AGBL1: variants seen among roughly 807,000 people sequenced by gnomAD.
The protein encoded by AGBL1 is AGBL carboxypeptidase 1, also known as cytosolic carboxypeptidase 4.
AGBL1 carries 130 observed loss-of-function variants against 118.9 expected under a neutral mutation model. The observed-to-expected ratio is 1.09, with a 90% confidence interval of 0.95 to 1.26. AGBL1 has a LOEUF of 1.26. Among genes scored for constraint, AGBL1 ranks in the 50% most tolerant of loss-of-function variants. The pLI, the probability that AGBL1 is intolerant of heterozygous loss-of-function variation, is 0.00. For synonymous variants in AGBL1, 555 were observed against 478.9 expected, an observed-to-expected ratio of 1.16 and a Z score of -2.08; for missense variants, 1,584 against 1,298.1, an observed-to-expected ratio of 1.22 and a Z score of -3.38.
chr15:86,572,498 C>T (rs1217588441), intron 21 of AGBL1, among the ~76,000 whole-genome samples: 4 of 152,204 alleles, frequency 2.6e-5, no homozygotes, highest in Non-Finnish European at 4.4e-5. Context: ...GGGTGGCAGG[C>T]TCCAGGAGGC....
Position 86,627,583 on chromosome 15 carries a change from G to A in AGBL1, c.2995-46690G>A, listed in dbSNP as rs185436012. Among the ~76,000 whole-genome samples the A allele has an allele frequency of 9.2e-5, 14 of 152,312 alleles. No homozygotes were observed. In the East Asian group the frequency reaches 2.7e-3, roughly 29 times the overall value. On this transcript the variant is annotated intron_variant, in intron 21 of 22. Coordinates refer to ENST00000614907, the MANE Select transcript of AGBL1 (RefSeq NM_001386094.1). ...TTAGGATAAGCAGAAATATCATAATGAGTGGCAAATTCCAAAAAGCTTACA... is the reference window on the plus strand; with the variant it reads ...TTAGGATAAGCAGAAATATCATAATAAGTGGCAAATTCCAAAAAGCTTACA...
chr15:86,506,264 A>C (rs1409739652), intron 18 of AGBL1, among the ~76,000 whole-genome samples: 3 of 151,998 alleles, frequency 2.0e-5, no homozygotes, highest in Non-Finnish European at 4.4e-5. Flanking sequence ...GTGTACATAC[A>C]ACCCTATGCA....
chr15:86,817,817 G>A (rs2347239), intron 22 of AGBL1, among the ~76,000 whole-genome samples: 82,495 of 152,014 alleles, frequency 0.54, 22,531 homozygotes, highest in Admixed American at 0.61. Flanking sequence ...TGTTACTCAA[G>A]ATCTTAGTTA....
At chr15:86,120,186 A>G (rs190884648) in intron 1 of AGBL1, among the ~76,000 whole-genome samples, 120 of 152,194 alleles carry the variant, frequency 7.9e-4, no homozygotes, top group African/African-American at 2.7e-3. Context: ...TCCTGCATGT[A>G]CTTGGGGCTG....
intron 23 of AGBL1, among the ~76,000 whole-genome samples, chr15:86,938,269 C>T (rs2080700901): frequency 1.3e-5 from 2 of 152,158 alleles, no homozygotes; most frequent in South Asian, 2.1e-4. Context: ...GAATGGCCTC[C>T]AAGAGCCCTT....
intron 17 of AGBL1, among the ~76,000 whole-genome samples, chr15:86,309,516 C>A (rs2141820426): frequency 6.6e-6 from 1 of 152,198 alleles, no homozygotes; most frequent in African/African-American, 2.4e-5. Context: ...AGCTTTTTGT[C>A]TTTGAGTATG....
At chr15:86,977,606 T>G (rs1050146194) in intron 23 of AGBL1, among the ~76,000 whole-genome samples, 1 of 152,020 alleles carries the variant, frequency 6.6e-6, no homozygotes, top group African/African-American at 2.4e-5. Flanking sequence ...ATTGCAATTA[T>G]AGATGAGATT....
intron 21 of AGBL1, among the ~76,000 whole-genome samples, chr15:86,554,919 T>C (rs530740581): frequency 6.6e-6 from 1 of 152,260 alleles, no homozygotes; most frequent in South Asian, 2.1e-4. Flanking sequence ...AGGGCATAGG[T>C]CAGTGTGTAG....
At chr15:86,293,635 G>C (rs1253325323) in intron 16 of AGBL1, among the ~76,000 whole-genome samples, 1 of 152,190 alleles carries the variant, frequency 6.6e-6, no homozygotes, top group East Asian at 1.9e-4. Flanking sequence ...CAAAGGTTCT[G>C]AAGGTGAGAA....
chr15:86,897,200 TG>T (rs2080141576), intron 22 of AGBL1, among the ~76,000 whole-genome samples: 1 of 152,202 alleles, frequency 6.6e-6, no homozygotes, highest in Non-Finnish European at 1.5e-5. Flanking sequence ...CCTTTATCTT[TG>T]AATTTGAAAC....
chr15:86,592,854 A>C (rs949379213), intron 21 of AGBL1, among the ~76,000 whole-genome samples: 2 of 152,116 alleles, frequency 1.3e-5, no homozygotes, highest in African/African-American at 4.8e-5. Flanking sequence ...ACCAACACCC[A>C]ATGGTTGCTT....
At chr15:86,649,167 A>T (rs1347079226) in intron 21 of AGBL1, among the ~76,000 whole-genome samples, 2 of 152,148 alleles carry the variant, frequency 1.3e-5, no homozygotes, top group Non-Finnish European at 2.9e-5. Flanking sequence ...GAAAGAATTG[A>T]CCTTAAAGAG....
At chr15:87,005,449 A>G (rs564077180) in intron 24 of AGBL1, among the ~76,000 whole-genome samples, 38 of 152,234 alleles carry the variant, frequency 2.5e-4, no homozygotes, top group Non-Finnish European at 3.7e-4. Flanking sequence ...TTGATCTTCA[A>G]TCACTGATAC....
intron 20 of AGBL1, among the ~76,000 whole-genome samples, chr15:86,549,859 G>A (rs910190383): frequency 6.8e-6 from 1 of 146,442 alleles, no homozygotes; most frequent in Non-Finnish European, 1.5e-5. Flanking sequence ...AGGAGAGGAG[G>A]GGAGGGGAAG....
At chr15:86,634,113 G>A (rs1007986765) in intron 21 of AGBL1, among the ~76,000 whole-genome samples, 5 of 151,986 alleles carry the variant, frequency 3.3e-5, no homozygotes, top group African/African-American at 7.2e-5. Context: ...CTCTGATGGC[G>A]AGAATGTAAC....
intron 18 of AGBL1, among the ~76,000 whole-genome samples, chr15:86,519,737 C>T (rs2083163576): frequency 6.6e-6 from 1 of 152,180 alleles, no homozygotes; most frequent in Non-Finnish European, 1.5e-5. Context: ...CACAACCTAT[C>T]TACACAAATG....
chr15:86,658,161 T>C (rs891850746), intron 21 of AGBL1, among the ~76,000 whole-genome samples: 2 of 152,132 alleles, frequency 1.3e-5, no homozygotes, highest in Non-Finnish European at 2.9e-5. Context: ...ATTCCCTTAA[T>C]GTATTCTCGT....
At chr15:86,336,081 G>A (rs1159750756) in intron 17 of AGBL1, among the ~76,000 whole-genome samples, 13 of 152,172 alleles carry the variant, frequency 8.5e-5, no homozygotes, top group Admixed American at 8.5e-4. Flanking sequence ...AGAAAGAAAG[G>A]GTGGAGAAAT....
intron 5 of AGBL1, among the ~76,000 whole-genome samples, chr15:86,174,465 G>A (rs550026056): frequency 1.6e-4 from 24 of 152,084 alleles, no homozygotes; most frequent in African/African-American, 5.1e-4. Flanking sequence ...AGATTGTTCC[G>A]GCTAGAACTG....
Sources: gnomAD v4.1 joint callset for allele counts (sites outside exome capture counted in the v4.1 genomes callset) on GRCh38, gnomAD v4.1.1 for gene constraint, MANE v1.5 for transcripts, NCBI Gene and HGNC (gene_info 2026-07-23, HGNC 2026-07-21) for gene names.